INPP5A: variants seen among roughly 807,000 people sequenced by gnomAD.
The protein encoded by INPP5A is 43 kDa inositol polyphosphate 5-phophatase.
In INPP5A, 14 loss-of-function variants were observed where a neutral mutation model predicts 65.2. The ratio of observed to expected loss-of-function variants is 0.21; its 90% CI spans 0.14 to 0.34. INPP5A has a LOEUF of 0.34. Among genes scored for constraint, INPP5A ranks in the 10% least tolerant of loss-of-function variants. The pLI is 1.00. For synonymous variants in INPP5A, 207 were observed against 208.3 expected (o/e 0.99, Z 0.05); for missense variants, 431 against 545.6 (o/e 0.79, Z 2.09).
chr10:132,680,743 C>G (rs1162887541), intron 4 of INPP5A, among the ~76,000 whole-genome samples: 1 of 152,250 alleles, frequency 6.6e-6, no homozygotes, highest in African/African-American at 2.4e-5. Flanking sequence ...CTTGGCGGGC[C>G]CCGCACTCCG....
rs1206841589 is a variant in INPP5A, at chr10:132,724,393, G to T, written c.648-2428G>T. ...TTAAAACTCTACCATAAAGATGAAG[G>T]TGGGGGCTCCATGCCCGCGTGGGGA... On this transcript the variant is annotated intron_variant, in intron 8 of 15. Coordinates refer to ENST00000368594, the MANE Select transcript of INPP5A (RefSeq NM_005539.5). Among the ~76,000 whole-genome samples the T allele has an allele frequency of 2.0e-5, 3 of 152,228 alleles. No homozygotes were observed. In the East Asian group the frequency reaches 5.8e-4, roughly 29 times the overall value.
Position 132,663,367 on chromosome 10 carries a change from G to A in INPP5A, c.306+12862G>A, listed in dbSNP as rs943797349. 6.6e-6 allele frequency among the ~76,000 whole-genome samples: 1 copy of A among 152,032 alleles called. No homozygotes were observed. The highest frequency in any genetic ancestry group is 1.5e-5 in the Non-Finnish European group (1 of 68,018). On this transcript the variant is annotated intron_variant, in intron 4 of 15. Transcript: ENST00000368594. The surrounding 1 kb of genome is among the most constrained non-coding windows in gnomAD (Gnocchi z 4.5). ...CTCCCAAGTAGCTGAGGATACAGGT[G>A]TGCATCACCACGCCTGGCTAAAAAA...
intron 2 of INPP5A, among the ~76,000 whole-genome samples, chr10:132,619,446 A>T (rs1475769895): frequency 6.6e-6 from 1 of 152,126 alleles, no homozygotes; most frequent in African/African-American, 2.4e-5. Context: ...GACTGCTCTC[A>T]TGGGTTGGAG....
At chr10:132,728,789 G>T (rs1288547561) in intron 9 of INPP5A, among the ~76,000 whole-genome samples, 3 of 152,232 alleles carry the variant, frequency 2.0e-5, no homozygotes, top group Admixed American at 1.3e-4. Flanking sequence ...TCCTGGCCGG[G>T]TCAGAGCCGT....
chr10:132,548,290 G>T (rs537411262), intron 1 of INPP5A, among the ~76,000 whole-genome samples: 3 of 152,244 alleles, frequency 2.0e-5, no homozygotes, highest in Non-Finnish European at 4.4e-5. Context: ...GGACCGTGGT[G>T]GTGTTTGCGG....
At chr10:132,681,684 T>G (rs1321612924) in intron 4 of INPP5A, among the ~76,000 whole-genome samples, 2 of 152,182 alleles carry the variant, frequency 1.3e-5, no homozygotes, top group African/African-American at 4.8e-5. Context: ...ATTGAGGTGA[T>G]TATTCAAAAA....
chr10:132,774,831 GAGGAGAGAGGGGTA>G (rs1175548318), intron 12 of INPP5A, among the ~76,000 whole-genome samples: 1,552 of 129,334 alleles, frequency 0.012, 34 homozygotes, highest in Non-Finnish European at 0.02. Flanking sequence ...GAGGGGCACG[GAGGAGAGAGGGGTA>G]GGGAGAGACG....
At position 132,733,584 on chromosome 10, in the gene INPP5A, G is replaced by A. The variant is rs551457951; in HGVS notation, c.732+6679G>A. ...AAGGTTTCTGACTGTAAAACATTTC[G>A]TAGAAATTTTGTGGAAACCAAAGAA... On this transcript the variant is annotated intron_variant, in intron 9 of 15. Transcript: ENST00000368594. Among the ~76,000 whole-genome samples the A allele has an allele frequency of 6.6e-5, 10 of 152,280 alleles. No individual in the cohort carries two copies. The East Asian group carries it at 1.2e-3, about 18-fold the overall frequency.
At chr10:132,692,692 A>C (rs1322660270) in intron 5 of INPP5A, among the ~76,000 whole-genome samples, 1 of 152,252 alleles carries the variant, frequency 6.6e-6, no homozygotes, top group African/African-American at 2.4e-5. Context: ...TATCATATTC[A>C]GAAAAAGATT....
In INPP5A at chr10:132,648,014, A is replaced by G. The variant is rs1237512099; in HGVS notation, c.218+2046A>G. Among the ~76,000 whole-genome samples, 6 of 152,052 alleles carry G rather than the reference A, an allele frequency of 3.9e-5. No individual in the cohort carries two copies. In the East Asian group the frequency reaches 9.6e-4, roughly 24 times the overall value. On this transcript the variant is annotated intron_variant, in intron 3 of 15. Coordinates refer to ENST00000368594, the MANE Select transcript of INPP5A (RefSeq NM_005539.5). Reference sequence around the variant, plus strand: ...GCATTTGCTTATGAAAAGGCACTCAAAATGAAGTCACTCAAAATGAAGTCA... The same window carrying G: ...GCATTTGCTTATGAAAAGGCACTCAGAATGAAGTCACTCAAAATGAAGTCA...
intron 12 of INPP5A, among the ~76,000 whole-genome samples, chr10:132,766,159 CGT>C (rs879657053): frequency 1.2e-4 from 19 of 152,006 alleles, no homozygotes; most frequent in East Asian, 3.9e-4. Flanking sequence ...TGTGTGTGCA[CGT>C]GTGTGTTCTT....
chr10:132,725,084 C>T (rs979201805), intron 8 of INPP5A, among the ~76,000 whole-genome samples: 2 of 150,810 alleles, frequency 1.3e-5, no homozygotes, highest in African/African-American at 5.0e-5. Context: ...CCAGAACTCA[C>T]AGGGAGGCCC....
Position 132,617,044 on chromosome 10 carries a change from A to G in INPP5A, c.117+9088A>G, listed in dbSNP as rs138491127. ...CAGCTTCGGCATCATGTCCCAGCCC[A>G]GCCCCGCAGCCTTCACCTGTAGGAA... On this transcript the variant is annotated intron_variant, in intron 2 of 15. Transcript: ENST00000368594. Among the ~76,000 whole-genome samples, 1,155 of 152,260 alleles carry G rather than the reference A, an allele frequency of 7.6e-3. 4 individuals carry two copies. The highest frequency in any genetic ancestry group is 0.012 in the Non-Finnish European group (826 of 68,008).
intron 9 of INPP5A, among the ~76,000 whole-genome samples, chr10:132,742,055 A>C (rs907515393): frequency 1.3e-5 from 2 of 152,212 alleles, no homozygotes; most frequent in Non-Finnish European, 2.9e-5. Context: ...GCCAATCAGC[A>C]CCGGGTCCTA....
chr10:132,588,510 C>T (rs920500341), intron 1 of INPP5A, among the ~76,000 whole-genome samples: 2 of 152,224 alleles, frequency 1.3e-5, no homozygotes, highest in African/African-American at 4.8e-5. Context: ...GGACTTTTCT[C>T]ATGAAAGGAA....
intron 9 of INPP5A, among the ~76,000 whole-genome samples, chr10:132,745,930 G>A (rs556733704): frequency 4.6e-5 from 7 of 152,268 alleles, no homozygotes; most frequent in Admixed American, 1.3e-4. Context: ...AGGCGGGTGC[G>A]TGAGAGCTCC....
chr10:132,749,244 G>A (rs1319117056), intron 9 of INPP5A, among the ~76,000 whole-genome samples: 9 of 151,718 alleles, frequency 5.9e-5, no homozygotes, highest in Non-Finnish European at 1.0e-4. Flanking sequence ...ACTGGCTTTT[G>A]CCCCAAAGCA....
intron 1 of INPP5A, among the ~76,000 whole-genome samples, chr10:132,556,788 G>T (rs12354973): frequency 0.094 from 13,739 of 145,864 alleles, 694 homozygotes; most frequent in Middle Eastern, 0.12. Context: ...TTTTTTTTTT[G>T]GTTTTCTATG....
intron 11 of INPP5A, among the ~76,000 whole-genome samples, chr10:132,751,359 C>A (rs893177589): frequency 2.4e-4 from 37 of 152,234 alleles, no homozygotes; most frequent in African/African-American, 8.9e-4. Context: ...CCTAAGGTTT[C>A]CTCCGCTTCT....
Sources: gnomAD v4.1 joint callset for allele counts (sites outside exome capture counted in the v4.1 genomes callset) on GRCh38, gnomAD v4.1.1 for gene constraint, Gnocchi (gnomAD v3.1) non-coding constraint, MANE v1.5 for transcripts, NCBI Gene and HGNC (gene_info 2026-07-23, HGNC 2026-07-21) for gene names.